The following RGS7 variants were observed in gnomAD, a reference collection of about 807,000 sequenced individuals.
The protein encoded by RGS7 is regulator of G-protein signaling 7.
In RGS7, 27 loss-of-function variants were observed where a neutral mutation model predicts 81.1. The observed-to-expected ratio is 0.33, with a 90% CI of 0.25 to 0.46. The LOEUF is 0.46. RGS7 is among the 20% of genes least tolerant of loss of function. The probability of loss-of-function intolerance (pLI) is 1.00; values close to 1 mark genes in which losing one functional copy is unlikely to be tolerated. For missense variants in RGS7, 396 were observed against 607.4 expected, an observed-to-expected ratio of 0.65 and a Z score of 3.66; for synonymous variants, 208 against 207.7, an observed-to-expected ratio of 1.00 and a Z score of -0.01.
intron 2 of RGS7, among the ~76,000 whole-genome samples, chr1:241,192,087 GA>G: frequency 6.6e-6 from 1 of 151,882 alleles, no homozygotes; most frequent in African/African-American, 2.4e-5. Flanking sequence ...GGCTGGAATA[GA>G]AAGGTTATTA....
At chr1:241,069,091 C>T (rs1229472687) in intron 3 of RGS7, among the ~76,000 whole-genome samples, 2 of 152,190 alleles carry the variant, frequency 1.3e-5, no homozygotes, top group South Asian at 2.1e-4. Context: ...GCCTGCAGAA[C>T]CGTGAGCCAA....
intron 6 of RGS7, among the ~76,000 whole-genome samples, chr1:240,898,861 CT>C (rs1234644662): frequency 6.6e-6 from 1 of 152,130 alleles, no homozygotes; most frequent in Non-Finnish European, 1.5e-5. Context: ...TCTCGTTGAT[CT>C]GTCTAATGTT....
At chr1:240,988,700 C>T (rs1686021963) in intron 3 of RGS7, among the ~76,000 whole-genome samples, 1 of 152,188 alleles carries the variant, frequency 6.6e-6, no homozygotes. Flanking sequence ...GAGAGATGAA[C>T]TCCAGCCCAG....
Position 241,076,235 on chromosome 1 carries a change from A to T in RGS7, c.175+22431T>A, listed in dbSNP as rs192578027. 1.6e-3 allele frequency among the ~76,000 whole-genome samples: 242 copies of T among 151,394 alleles called. 1 individual carries two copies. Among genetic ancestry groups the T allele is most frequent in the Non-Finnish European group, 2.9e-4 (20 of 67,890 alleles). On this transcript the variant is annotated intron_variant, in intron 3 of 18. Coordinates refer to ENST00000440928, the MANE Select transcript of RGS7 (RefSeq NM_001364886.1). ...GCCTCTTCTAGGTTGCTATCCATTT[A>T]CCTCCCCATCTCTCTCTCTCTTTGC... is the stretch of plus-strand genomic sequence containing the variant.
intron 2 of RGS7, among the ~76,000 whole-genome samples, chr1:241,247,495 C>A (rs1489689449): frequency 1.3e-5 from 2 of 152,112 alleles, no homozygotes; most frequent in African/African-American, 4.8e-5. Flanking sequence ...CTTTCCCCCA[C>A]AGGTTGAAAG....
chr1:241,037,696 G>A (rs146362255), intron 3 of RGS7, among the ~76,000 whole-genome samples: 1 of 147,084 alleles, frequency 6.8e-6, no homozygotes, highest in African/African-American at 2.5e-5. Context: ...ACTTCAGCCT[G>A]GGCAATAGAG....
chr1:241,256,067 T>C (rs1273317004), intron 2 of RGS7, among the ~76,000 whole-genome samples: 1 of 152,228 alleles, frequency 6.6e-6, no homozygotes, highest in African/African-American at 2.4e-5. Context: ...TTTCAAGATC[T>C]TTTAAGATAC....
At chr1:240,857,775 C>T (rs1661415128) in intron 9 of RGS7, among the ~76,000 whole-genome samples, 1 of 152,160 alleles carries the variant, frequency 6.6e-6, no homozygotes, top group Non-Finnish European at 1.5e-5. Flanking sequence ...CAAATCTCAT[C>T]TGAATTGTAG....
At chr1:240,881,600 T>C (rs1374149294) in intron 6 of RGS7, among the ~76,000 whole-genome samples, 1 of 152,184 alleles carries the variant, frequency 6.6e-6, no homozygotes, top group Non-Finnish European at 1.5e-5. Flanking sequence ...TTTAAAGATT[T>C]AGACATTAGC....
intron 10 of RGS7, among the ~76,000 whole-genome samples, chr1:240,824,961 A>G (rs1692535839): frequency 6.6e-6 from 1 of 152,196 alleles, no homozygotes; most frequent in African/African-American, 2.4e-5. Context: ...GAGACACTCC[A>G]CAGGAACTGA....
At chr1:240,823,001 ACCTG>A in intron 10 of RGS7, 1 of 514,862 alleles carries the variant, frequency 1.9e-6, no homozygotes. Flanking sequence ...GTTTTTAGAA[ACCTG>A]GAAGAAATTG....
rs572848464 is a variant in RGS7 at position 241,271,706 on chromosome 1, C to T, written c.78+83993G>A. Among the ~76,000 whole-genome samples, 3 of 152,318 alleles carry T rather than the reference C, an allele frequency of 2.0e-5. No individual in the cohort carries two copies. In the East Asian group the frequency reaches 5.8e-4, roughly 29 times the overall value. On this transcript the variant is annotated intron_variant, in intron 2 of 18. Transcript: ENST00000440928. This position sits in a 1 kb window ranked among gnomAD's most constrained non-coding sequence, Gnocchi z 4.6. ...GGTGGAAGAAGTAAGGATTCTCTCT[C>T]TGCTGGAGTGCTTGAGCTAGGACAT...
At chr1:241,201,582 G>T (rs1244278864) in intron 2 of RGS7, among the ~76,000 whole-genome samples, 1 of 151,952 alleles carries the variant, frequency 6.6e-6, no homozygotes, top group Non-Finnish European at 1.5e-5. Context: ...TTCACAATCA[G>T]AATAAATTAG....
chr1:241,051,926 C>T (rs960473117), intron 3 of RGS7, among the ~76,000 whole-genome samples: 1 of 152,130 alleles, frequency 6.6e-6, no homozygotes, highest in Non-Finnish European at 1.5e-5. Context: ...TGTCCACAAC[C>T]GTACACGTAT....
At chr1:240,935,436 T>C (rs1676457763) in intron 5 of RGS7, among the ~76,000 whole-genome samples, 1 of 152,218 alleles carries the variant, frequency 6.6e-6, no homozygotes, top group Non-Finnish European at 1.5e-5. Context: ...GTATAAAGAA[T>C]AAAGCTCCAT....
At chr1:241,351,472 CT>C (rs1346362667) in intron 2 of RGS7, among the ~76,000 whole-genome samples, 7 of 151,366 alleles carry the variant, frequency 4.6e-5, no homozygotes, top group African/African-American at 1.7e-4. Flanking sequence ...AAATAACAAC[CT>C]TTTGCCAGTA....
chr1:241,226,909 C>T (rs1039849570), intron 2 of RGS7, among the ~76,000 whole-genome samples: 1 of 152,182 alleles, frequency 6.6e-6, no homozygotes, highest in African/African-American at 2.4e-5. Context: ...AGGTACTCCC[C>T]TCTTTTTTTC....
intron 2 of RGS7, among the ~76,000 whole-genome samples, chr1:241,355,086 C>A (rs2083473546): frequency 6.6e-6 from 1 of 151,920 alleles, no homozygotes; most frequent in Non-Finnish European, 1.5e-5. Flanking sequence ...AGCAACTCTG[C>A]AAGATAAATA....
At chr1:241,345,642 A>G (rs1178411008) in intron 2 of RGS7, among the ~76,000 whole-genome samples, 1 of 152,250 alleles carries the variant, frequency 6.6e-6, no homozygotes, top group East Asian at 1.9e-4. Flanking sequence ...CTATTGCAAT[A>G]TAAACTGCAA....
Sources: allele counts gnomAD v4.1 joint callset (sites outside exome capture counted in the v4.1 genomes callset), GRCh38; gene constraint gnomAD v4.1.1; non-coding constraint Gnocchi (gnomAD v3.1); transcripts MANE v1.5; gene names NCBI Gene and HGNC (gene_info 2026-07-23, HGNC 2026-07-21).